KCND2: variants seen among roughly 807,000 people sequenced by gnomAD.
KCND2 encodes A-type voltage-gated potassium channel KCND2.
In KCND2, 16 loss-of-function variants were observed where a neutral mutation model predicts 54.4. That is an observed-to-expected ratio of 0.29 (90% CI 0.20 to 0.45). KCND2 has a LOEUF of 0.45. KCND2 is among the 20% of genes least tolerant of loss of function. The pLI is 1.00. For missense variants in KCND2, 486 were observed against 824.2 expected, an observed-to-expected ratio of 0.59 and a Z score of 5.02; for synonymous variants, 317 against 310.7, an observed-to-expected ratio of 1.02 and a Z score of -0.21.
intron 1 of KCND2, among the ~76,000 whole-genome samples, chr7:120,355,775 G>T (rs956875435): frequency 2.6e-5 from 4 of 152,122 alleles, no homozygotes; most frequent in African/African-American, 9.7e-5. Flanking sequence ...ATAACTAGGG[G>T]ACTGTCTGTA....
At chr7:120,366,050 T>A (rs909503595) in intron 1 of KCND2, among the ~76,000 whole-genome samples, 6 of 152,152 alleles carry the variant, frequency 3.9e-5, no homozygotes, top group African/African-American at 1.4e-4. Context: ...ATAGTAGAGA[T>A]GATTCCAGTT....
At chr7:120,567,744 A>G (rs1481517388) in intron 1 of KCND2, among the ~76,000 whole-genome samples, 8 of 152,050 alleles carry the variant, frequency 5.3e-5, no homozygotes, top group African/African-American at 1.9e-4. Context: ...TAAGATTTAT[A>G]TTTCTGCCTG....
At chr7:120,346,204 C>T (rs1800313378) in intron 1 of KCND2, among the ~76,000 whole-genome samples, 1 of 152,110 alleles carries the variant, frequency 6.6e-6, no homozygotes, top group Non-Finnish European at 1.5e-5. Context: ...TGTTGAGCTG[C>T]AGGGATCCTT....
intron 1 of KCND2, among the ~76,000 whole-genome samples, chr7:120,653,806 G>A (rs185415131): frequency 1.1e-3 from 171 of 152,104 alleles, no homozygotes; most frequent in Non-Finnish European, 1.8e-3. Flanking sequence ...CAGTCCAGAG[G>A]GATTGCTGAG....
At chr7:120,395,734 A>G (rs976375781) in intron 1 of KCND2, among the ~76,000 whole-genome samples, 3 of 152,028 alleles carry the variant, frequency 2.0e-5, no homozygotes, top group Non-Finnish European at 4.4e-5. Flanking sequence ...GGCTGTTACC[A>G]TGGCCCATTG....
At chr7:120,460,964 T>C (rs2116238416) in intron 1 of KCND2, among the ~76,000 whole-genome samples, 1 of 151,870 alleles carries the variant, frequency 6.6e-6, no homozygotes, top group Admixed American at 6.5e-5. Flanking sequence ...GATATATTAC[T>C]TGGAAAAAAG....
intron 1 of KCND2, among the ~76,000 whole-genome samples, chr7:120,580,062 A>G (rs1323077150): frequency 6.6e-6 from 1 of 152,224 alleles, no homozygotes; most frequent in Admixed American, 6.5e-5. Context: ...ATAACATTTC[A>G]CATGAAAATC....
Position 120,400,022 on chromosome 7 carries a change from G to A in KCND2, c.1115+124275G>A, listed in dbSNP as rs539770818. Among the ~76,000 whole-genome samples the A allele has an allele frequency of 1.1e-4, 16 of 152,014 alleles. No homozygotes were observed. In the South Asian group the frequency reaches 2.5e-3, roughly 24 times the overall value. On this transcript the variant is annotated intron_variant, in intron 1 of 5. Transcript: ENST00000331113. ...ATTACAGGCATGAGCCACCGCACCCGGCCTCTAACTAATTTTATAAATTAA... is the reference window on the plus strand; with the variant it reads ...ATTACAGGCATGAGCCACCGCACCCAGCCTCTAACTAATTTTATAAATTAA...
At chr7:120,351,393 C>T (rs1800401307) in intron 1 of KCND2, among the ~76,000 whole-genome samples, 2 of 148,838 alleles carry the variant, frequency 1.3e-5, no homozygotes, top group Middle Eastern at 6.9e-3. Context: ...CACACACACA[C>T]ACACACACAC....
intron 1 of KCND2, among the ~76,000 whole-genome samples, chr7:120,308,697 A>G (rs1221631880): frequency 2.0e-5 from 3 of 152,220 alleles, no homozygotes; most frequent in Non-Finnish European, 4.4e-5. Flanking sequence ...TCTTGTTCAA[A>G]TAAGTGTGGG....
At chr7:120,334,255 G>A (rs2116352891) in intron 1 of KCND2, among the ~76,000 whole-genome samples, 1 of 152,262 alleles carries the variant, frequency 6.6e-6, no homozygotes, top group East Asian at 1.9e-4. Flanking sequence ...GTGTTGAGAT[G>A]TTTGGGTTGC....
chr7:120,424,499 A>G (rs750519109), intron 1 of KCND2, among the ~76,000 whole-genome samples: 15 of 152,254 alleles, frequency 9.9e-5, no homozygotes, highest in Admixed American at 5.2e-4. Flanking sequence ...TTAAAGTGGT[A>G]GAATATTTTG....
At chr7:120,584,759 C>T (rs1039374634) in intron 1 of KCND2, among the ~76,000 whole-genome samples, 9 of 152,210 alleles carry the variant, frequency 5.9e-5, no homozygotes, top group African/African-American at 1.9e-4. Flanking sequence ...CGCACACACA[C>T]GCATGCGCGT....
intron 1 of KCND2, among the ~76,000 whole-genome samples, chr7:120,410,009 G>A (rs1241782200): frequency 6.6e-6 from 1 of 151,518 alleles, no homozygotes; most frequent in African/African-American, 2.4e-5. Flanking sequence ...TTTTGATCTT[G>A]GCTCTTATGT....
intron 1 of KCND2, among the ~76,000 whole-genome samples, chr7:120,431,111 A>T (rs1448536434): frequency 6.6e-6 from 1 of 152,214 alleles, no homozygotes; most frequent in Non-Finnish European, 1.5e-5. Context: ...CTGTGTTTAT[A>T]ACTTTTGATC....
chr7:120,419,317 G>A (rs571162780), intron 1 of KCND2, among the ~76,000 whole-genome samples: 9 of 152,170 alleles, frequency 5.9e-5, no homozygotes, highest in African/African-American at 2.2e-4. Context: ...GCCTGGTGAT[G>A]AATTTCCCAT....
intron 1 of KCND2, among the ~76,000 whole-genome samples, chr7:120,438,718 A>T (rs914661919): frequency 1.3e-5 from 2 of 152,142 alleles, no homozygotes; most frequent in Non-Finnish European, 2.9e-5. Flanking sequence ...ATGAAAAAAT[A>T]TATTATGGGA....
chr7:120,405,413 G>A (rs567107516), intron 1 of KCND2, among the ~76,000 whole-genome samples: 12 of 152,200 alleles, frequency 7.9e-5, no homozygotes, highest in African/African-American at 2.4e-4. Flanking sequence ...CTGAATAGTG[G>A]GGATTGATAC....
At chr7:120,386,557 A>G (rs1402175921) in intron 1 of KCND2, among the ~76,000 whole-genome samples, 2 of 152,174 alleles carry the variant, frequency 1.3e-5, no homozygotes. Flanking sequence ...AATGCTTCTT[A>G]AAAAGCCAAA....
Sources: gnomAD v4.1 joint callset for allele counts (sites outside exome capture counted in the v4.1 genomes callset) on GRCh38, gnomAD v4.1.1 for gene constraint, MANE v1.5 for transcripts, NCBI Gene and HGNC (gene_info 2026-07-23, HGNC 2026-07-21) for gene names.